Variants in NFIA observed in about 807,000 individuals in gnomAD.
The protein encoded by NFIA is nuclear factor 1 A-type.
Under a neutral mutation model 62.8 loss-of-function variants are expected in NFIA, and 8 were observed. The ratio of observed to expected loss-of-function variants is 0.13; its 90% confidence interval spans 0.07 to 0.23. The LOEUF (loss-of-function observed/expected upper bound fraction) is 0.23, where lower values mean the gene tolerates loss of function less well. Ranked by LOEUF, NFIA falls within the 10% of genes least tolerant of loss-of-function variation. NFIA has a pLI of 1.00. For missense variants in NFIA, 410 were observed against 642.1 expected (o/e 0.64, Z 3.91); for synonymous variants, 235 against 238.1 (o/e 0.99, Z 0.12).
chr1:61,349,957 C>T (rs1216534652), intron 4 of NFIA, among the ~76,000 whole-genome samples: 1 of 152,088 alleles, frequency 6.6e-6, no homozygotes, highest in Admixed American at 6.6e-5. Flanking sequence ...TCCTTTCCAT[C>T]CTTTGAGTTT....
At chr1:61,204,082 A>G (rs1443844918) in intron 2 of NFIA, among the ~76,000 whole-genome samples, 1 of 152,218 alleles carries the variant, frequency 6.6e-6, no homozygotes, top group African/African-American at 2.4e-5. Context: ...TTTTGCCACC[A>G]ACTGCCTAGC....
At chr1:61,204,365 A>G (rs1443812668) in intron 2 of NFIA, among the ~76,000 whole-genome samples, 1 of 152,250 alleles carries the variant, frequency 6.6e-6, no homozygotes, top group Non-Finnish European at 1.5e-5. Flanking sequence ...GGCCTGGGCC[A>G]CAGAACTTTC....
chr1:61,086,011 CTTA>C lies in NFIA; in HGVS notation c.28-2133_28-2131del, dbSNP rs565949252. On this transcript the variant is annotated intron_variant, in intron 1 of 10. Coordinates refer to ENST00000403491, the MANE Select transcript of NFIA (RefSeq NM_001134673.4). ...CATATTAGAATGTTTATTTTAAATG[CTTA>C]TTATCATTAATCAAACTTTTAAATA... is the stretch of plus-strand genomic sequence containing the variant. Among the ~76,000 whole-genome samples, 65 of 152,178 alleles carry C rather than the reference CTTA, an allele frequency of 4.3e-4. 1 individual carries two copies. The South Asian group carries it at 0.012, about 29-fold the overall frequency.
chr1:61,148,996 A>C (rs752603943), intron 2 of NFIA, among the ~76,000 whole-genome samples: 1 of 151,914 alleles, frequency 6.6e-6, no homozygotes, highest in Non-Finnish European at 1.5e-5. Flanking sequence ...CCCCAGCCGC[A>C]TGAGTAGCAA....
intron 10 of NFIA, among the ~76,000 whole-genome samples, chr1:61,436,718 T>C (rs1667345214): frequency 6.6e-6 from 1 of 152,186 alleles, no homozygotes; most frequent in Non-Finnish European, 1.5e-5. Context: ...CTGTGCCCTG[T>C]CTTTTTGGGA....
In NFIA at chr1:61,216,737, C is replaced by T. The variant is rs142689794; in HGVS notation, c.560-60783C>T. On this transcript the variant is annotated intron_variant, in intron 2 of 10. Transcript: ENST00000403491. ...GATTGAGGCTGGAAGCAGTGGCTTA[C>T]GCCTGTAATCCCAGCACTTTGGGAG... Among the ~76,000 whole-genome samples the T allele has an allele frequency of 4.2e-3, 639 of 152,270 alleles. 10 individuals carry two copies. Among genetic ancestry groups the T allele is most frequent in the Admixed American group, 0.02 (301 of 15,306 alleles).
At chr1:61,093,701 G>T (rs1420513097) in intron 2 of NFIA, among the ~76,000 whole-genome samples, 1 of 152,180 alleles carries the variant, frequency 6.6e-6, no homozygotes, top group Non-Finnish European at 1.5e-5. Flanking sequence ...GGCAGAGAGT[G>T]TACAGGAATA....
chr1:61,115,279 C>G (rs1646776511), intron 2 of NFIA, among the ~76,000 whole-genome samples: 1 of 152,146 alleles, frequency 6.6e-6, no homozygotes, highest in Non-Finnish European at 1.5e-5. Flanking sequence ...CTGCACCCAG[C>G]CGCAAATATA....
At chr1:61,289,493 C>A (rs1388052843) in intron 3 of NFIA, among the ~76,000 whole-genome samples, 2 of 152,198 alleles carry the variant, frequency 1.3e-5, no homozygotes, top group Non-Finnish European at 2.9e-5. Context: ...TCAGACTCAA[C>A]TCTAAGTCCA....
chr1:61,228,526 T>C (rs182877625), intron 2 of NFIA, among the ~76,000 whole-genome samples: 4 of 152,330 alleles, frequency 2.6e-5, no homozygotes, highest in Admixed American at 6.5e-5. Flanking sequence ...ATGGCCAAAA[T>C]GTGACAGGGT....
Position 61,082,736 on chromosome 1 carries a change from G to T in NFIA, c.-56G>T, listed in dbSNP as rs1364227054. The T allele has an allele frequency of 1.4e-5, 22 of 1,543,172 alleles. No homozygotes were observed. In the Admixed American group the frequency reaches 4.0e-4, roughly 28 times the overall value. On this transcript the variant is annotated 5_prime_UTR_variant, in exon 1 of 11. Coordinates refer to ENST00000403491, the MANE Select transcript of NFIA (RefSeq NM_001134673.4). ...TTTCTCCTCTCTCACCCACACTCAC[G>T]CACACCTCCAAACCGCACACCCAGA...
At chr1:61,077,952 C>G (rs1646052049), upstream of NFIA, among the ~76,000 whole-genome samples, 1 of 151,210 alleles carries the variant, frequency 6.6e-6, no homozygotes, top group Non-Finnish European at 1.5e-5. Context: ...GGGGGAAATC[C>G]TGTACGTGCT....
intron 2 of NFIA, among the ~76,000 whole-genome samples, chr1:61,130,626 T>C (rs334734): frequency 0.94 from 143,173 of 152,238 alleles, 67,425 homozygotes; most frequent in Middle Eastern, 0.97. Flanking sequence ...AGTGGCAAAT[T>C]GCGAAGCTGT....
chr1:61,096,783 C>G (rs1646423445), intron 2 of NFIA, among the ~76,000 whole-genome samples: 1 of 151,020 alleles, frequency 6.6e-6, no homozygotes, highest in African/African-American at 2.4e-5. Context: ...GAACTCCTGA[C>G]TTTGTGATCT....
chr1:61,408,167 G>GT (rs1665937692), intron 9 of NFIA, among the ~76,000 whole-genome samples: 1 of 152,218 alleles, frequency 6.6e-6, no homozygotes, highest in South Asian at 2.1e-4. Context: ...AAGATTGAAG[G>GT]TTCAGGGGCA....
intron 2 of NFIA, among the ~76,000 whole-genome samples, chr1:61,123,935 GT>G (rs1288404300): frequency 1.3e-5 from 2 of 152,260 alleles, no homozygotes; most frequent in East Asian, 3.9e-4. Flanking sequence ...AAACCTTTCT[GT>G]TTTACCAGCT....
chr1:61,450,040 G>A (rs149870141), intron 10 of NFIA, among the ~76,000 whole-genome samples: 25 of 152,294 alleles, frequency 1.6e-4, no homozygotes, highest in South Asian at 6.2e-4. Flanking sequence ...ACTGGGCATC[G>A]TTCATTGCCA....
At chr1:61,334,973 C>G (rs752376148) in intron 4 of NFIA, among the ~76,000 whole-genome samples, 10 of 152,142 alleles carry the variant, frequency 6.6e-5, no homozygotes, top group Non-Finnish European at 1.3e-4. Flanking sequence ...CAAATGAATT[C>G]TAAACCTGCC....
intron 2 of NFIA, among the ~76,000 whole-genome samples, chr1:61,111,259 C>A (rs1467623969): frequency 6.6e-6 from 1 of 152,102 alleles, no homozygotes; most frequent in African/African-American, 2.4e-5. Flanking sequence ...GTTGCCAGAT[C>A]TTTCCTATAA....
Sources: gnomAD v4.1 joint callset for allele counts (sites outside exome capture counted in the v4.1 genomes callset) on GRCh38, gnomAD v4.1.1 for gene constraint, MANE v1.5 for transcripts, NCBI Gene and HGNC (gene_info 2026-07-23, HGNC 2026-07-21) for gene names.